Variants in ZYG11B observed in about 807,000 individuals in gnomAD.
The protein encoded by ZYG11B is protein zyg-11 homolog B.
ZYG11B carries 36 observed loss-of-function variants against 82.4 expected under a neutral mutation model. The observed-to-expected ratio is 0.44, with a 90% CI of 0.33 to 0.58. The LOEUF (loss-of-function observed/expected upper bound fraction) is 0.58. Among genes scored for constraint, ZYG11B ranks in the 20% least tolerant of loss-of-function variants. The probability of loss-of-function intolerance (pLI) is 0.02; values close to 1 mark genes in which losing one functional copy is unlikely to be tolerated. For synonymous variants in ZYG11B, 303 were observed against 312.8 expected (o/e 0.97, Z 0.33); for missense variants, 552 against 895.6 (o/e 0.62, Z 4.90).
intron 13 of ZYG11B, among the ~76,000 whole-genome samples, chr1:52,817,558 G>A (rs977825618): frequency 6.7e-6 from 1 of 148,608 alleles, no homozygotes; most frequent in African/African-American, 2.5e-5. Context: ...GCTTTTTTTT[G>A]TATTTTTTGT....
chr1:52,815,543 CTG>C (rs1396107802), intron 12 of ZYG11B, among the ~76,000 whole-genome samples: 1 of 152,014 alleles, frequency 6.6e-6, no homozygotes, highest in Non-Finnish European at 1.5e-5. Flanking sequence ...TCGCTTGAGC[CTG>C]GAAGGTTGAG....
chr1:52,789,199 G>T (rs748876091), intron 5 of ZYG11B, among the ~76,000 whole-genome samples: 12 of 152,056 alleles, frequency 7.9e-5, no homozygotes, highest in Non-Finnish European at 1.6e-4. Context: ...AGCAAATAGG[G>T]TGTTCATTTT....
rs145784476 is a variant in ZYG11B, at chr1:52,796,203, T to A, written c.1335-89T>A. 6,525 of 910,000 alleles carry A rather than the reference T, an allele frequency of 7.2e-3. 95 individuals carry two copies. In the Middle Eastern group the frequency reaches 0.094, roughly 13 times the overall value. The allele number at this position is 910,000 out of a possible 1,614,324, so 56.4% of individuals were successfully genotyped here. On this transcript the variant is annotated intron_variant, in intron 6 of 13. Coordinates refer to ENST00000294353, the MANE Select transcript of ZYG11B (RefSeq NM_024646.3). ...AATTTTCCCTTGCCTTTTCATATATTTAAGTTGTAGCATCAGTTCCTAGCT... is the reference window on the plus strand; with the variant it reads ...AATTTTCCCTTGCCTTTTCATATATATAAGTTGTAGCATCAGTTCCTAGCT...
intron 4 of ZYG11B, among the ~76,000 whole-genome samples, chr1:52,783,805 T>C (rs113649230): frequency 1.5e-3 from 197 of 134,994 alleles, no homozygotes; most frequent in Middle Eastern, 4.1e-3. Flanking sequence ...TATATATATA[T>C]ACACACACAC....
At chr1:52,809,601 A>G (rs6666755) in intron 10 of ZYG11B, among the ~76,000 whole-genome samples, 1 of 152,150 alleles carries the variant, frequency 6.6e-6, no homozygotes, top group African/African-American at 2.4e-5. Flanking sequence ...CATACTGTTT[A>G]CCACAACAGC....
At chr1:52,801,163 G>A (rs1571791008) in intron 8 of ZYG11B, among the ~76,000 whole-genome samples, 1 of 152,104 alleles carries the variant, frequency 6.6e-6, no homozygotes, top group South Asian at 2.1e-4. Flanking sequence ...GGGAAAGGGG[G>A]AAAAATAAGA....
chr1:52,744,507 T>G (rs118104031), intron 1 of ZYG11B, among the ~76,000 whole-genome samples: 3,253 of 152,324 alleles, frequency 0.021, 115 homozygotes, highest in East Asian at 0.15. Context: ...GTGATAACAC[T>G]AGAATTCAAC....
chr1:52,818,659 A>G (rs981546634), intron 13 of ZYG11B, among the ~76,000 whole-genome samples: 1 of 152,112 alleles, frequency 6.6e-6, no homozygotes, highest in Non-Finnish European at 1.5e-5. Flanking sequence ...TGAGAAGTTA[A>G]CTATGAATTA....
rs1338716452 is a variant in ZYG11B at position 52,821,768 on chromosome 1, A to G, written c.*139A>G. The G allele has an allele frequency of 1.5e-6, 1 of 676,778 alleles. No homozygotes were observed. The highest frequency in any genetic ancestry group is 1.8e-5 in the African/African-American group (1 of 55,266). The allele number at this position is 676,778 out of a possible 1,614,324, so 41.9% of individuals were successfully genotyped here. On this transcript the variant is annotated 3_prime_UTR_variant, in exon 14 of 14. Coordinates refer to ENST00000294353, the MANE Select transcript of ZYG11B (RefSeq NM_024646.3). ...CAGTTTGGGATTGATAATGTGTAGT[A>G]CTGCCCATGTGAACAGTCTCTAATT...
chr1:52,821,674 GA>G lies in ZYG11B; in HGVS notation c.*46del, dbSNP rs766771140. The G allele has an allele frequency of 6.4e-4, 991 of 1,545,718 alleles. No homozygotes were observed. The highest frequency in any genetic ancestry group is 6.6e-4 in the Non-Finnish European group (746 of 1,138,396). ...GTTGAATCACAGGAATCCTTTTTGTGATTGGTCCATTTGGAATATCTTACCC... is the reference window on the plus strand; with the variant it reads ...GTTGAATCACAGGAATCCTTTTTGTGTTGGTCCATTTGGAATATCTTACCC... On this transcript the variant is annotated 3_prime_UTR_variant, in exon 14 of 14. Coordinates refer to ENST00000294353, the MANE Select transcript of ZYG11B (RefSeq NM_024646.3).
At chr1:52,772,912 C>T (rs1297649122) in intron 3 of ZYG11B, among the ~76,000 whole-genome samples, 1 of 151,914 alleles carries the variant, frequency 6.6e-6, no homozygotes, top group Non-Finnish European at 1.5e-5. Context: ...CTCCTGACCT[C>T]GTAATCTGCC....
At position 52,736,537 on chromosome 1, in the gene ZYG11B, C is replaced by T. The variant is rs182231732; in HGVS notation, c.30+9854C>T. On this transcript the variant is annotated intron_variant, in intron 1 of 13. Coordinates refer to ENST00000294353, the MANE Select transcript of ZYG11B (RefSeq NM_024646.3). ...GCACCATCTCGGCTCACTGCAACCT[C>T]GGCCTCCCAGGTTCAAGCAATTCTC... 9.0e-4 allele frequency among the ~76,000 whole-genome samples: 137 copies of T among 152,204 alleles called. 1 individual carries two copies. The highest frequency in any genetic ancestry group is 2.2e-3 in the African/African-American group (91 of 41,538).
At chr1:52,776,219 T>TAAAAAAAAAAAAA (rs1165031214) in intron 3 of ZYG11B, among the ~76,000 whole-genome samples, 4 of 42,498 alleles carry the variant, frequency 9.4e-5, no homozygotes, top group Non-Finnish European at 1.0e-4. Flanking sequence ...AACTCTGTCT[T>TAAAAAAAAAAAAA]AAAAAAAAAA....
At chr1:52,733,986 A>T (rs12059955) in intron 1 of ZYG11B, among the ~76,000 whole-genome samples, 18,678 of 152,088 alleles carry the variant, frequency 0.12, 2,605 homozygotes, top group East Asian at 0.35. Flanking sequence ...ATTGAAATAG[A>T]CATAATTTTT....
chr1:52,811,827 G>A (rs1645186036), intron 10 of ZYG11B, among the ~76,000 whole-genome samples: 1 of 152,020 alleles, frequency 6.6e-6, no homozygotes, highest in African/African-American at 2.4e-5. Flanking sequence ...TCAGGAAATT[G>A]AGACCATCCT....
intron 6 of ZYG11B, among the ~76,000 whole-genome samples, chr1:52,791,123 C>T (rs1644955584): frequency 1.3e-5 from 2 of 151,842 alleles, no homozygotes; most frequent in African/African-American, 4.8e-5. Context: ...AGGCATGTGC[C>T]ACCACGCTGG....
chr1:52,775,988 G>C (rs1443930190), intron 3 of ZYG11B, among the ~76,000 whole-genome samples: 2 of 151,050 alleles, frequency 1.3e-5, no homozygotes, highest in African/African-American at 2.4e-5. Context: ...GGCTGAGGCA[G>C]GCGGATCACC....
At chr1:52,798,731 T>A (rs371228327) in intron 8 of ZYG11B, among the ~76,000 whole-genome samples, 1 of 152,200 alleles carries the variant, frequency 6.6e-6, no homozygotes, top group South Asian at 2.1e-4. Flanking sequence ...AGCAGATACA[T>A]GATTTTGCTT....
rs1262684477 is a variant in ZYG11B, at chr1:52,808,928, A to G, written c.1696-4608A>G. Among the ~76,000 whole-genome samples the G allele has an allele frequency of 2.0e-5, 3 of 151,946 alleles. No individual in the cohort carries two copies. The East Asian group carries it at 5.8e-4, about 29-fold the overall frequency. ...TTTCATCTTAGACATTGTCATTTTC[A>G]TCTCTACAAGTTCAATTTAGGTGTT... On this transcript the variant is annotated intron_variant, in intron 10 of 13. Coordinates refer to ENST00000294353, the MANE Select transcript of ZYG11B (RefSeq NM_024646.3).
Sources: gnomAD v4.1 joint callset for allele counts (sites outside exome capture counted in the v4.1 genomes callset) on GRCh38, gnomAD v4.1.1 for gene constraint, MANE v1.5 for transcripts, NCBI Gene and HGNC (gene_info 2026-07-23, HGNC 2026-07-21) for gene names.